Variants in LINGO2 observed in about 807,000 individuals in gnomAD.
LINGO2 encodes leucine rich repeat and Ig domain containing 2, also known as leucine-rich repeat and immunoglobulin-like domain-containing nogo receptor-interacting protein 2.
LINGO2 carries 14 observed loss-of-function variants against 30.6 expected under a neutral mutation model. That is an observed-to-expected ratio of 0.46 (90% confidence interval 0.30 to 0.72). The LOEUF (loss-of-function observed/expected upper bound fraction) is 0.72, where lower values mean the gene tolerates loss of function less well. LINGO2 is among the 30% of genes least tolerant of loss of function. The pLI is 0.07. For missense variants in LINGO2, 729 were observed against 751.7 expected (o/e 0.97, Z 0.35); for synonymous variants, 317 against 288.5 (o/e 1.10, Z -1.00).
intron 5 of LINGO2, among the ~76,000 whole-genome samples, chr9:27,965,093 G>T (rs941677309): frequency 2.0e-5 from 3 of 151,864 alleles, no homozygotes; most frequent in African/African-American, 7.2e-5. Context: ...CAGAAGTCAT[G>T]ATGTGTCTTT....
At chr9:28,462,840 G>A (rs1825139082) in intron 2 of LINGO2, among the ~76,000 whole-genome samples, 1 of 151,860 alleles carries the variant, frequency 6.6e-6, no homozygotes, top group East Asian at 1.9e-4. Context: ...TTTTTCCAAG[G>A]AACTATCTAT....
chr9:28,297,905 T>G (rs1823983940), intron 3 of LINGO2, among the ~76,000 whole-genome samples: 1 of 152,210 alleles, frequency 6.6e-6, no homozygotes. Flanking sequence ...TAACAGACTT[T>G]TGTGTGTGCG....
chr9:29,204,866 C>T, the LINGO2 span, among the ~76,000 whole-genome samples: 7 of 152,234 alleles, frequency 4.6e-5, no homozygotes, highest in African/African-American at 1.7e-4. Context: ...TACATTCTTA[C>T]ATTTCTTCCA....
intron 1 of LINGO2, among the ~76,000 whole-genome samples, chr9:28,582,074 A>G (rs1391143058): frequency 6.6e-6 from 1 of 151,980 alleles, no homozygotes; most frequent in African/African-American, 2.4e-5. Context: ...TATTGAGCTC[A>G]TCAGGCTACC....
intron 4 of LINGO2, among the ~76,000 whole-genome samples, chr9:28,210,564 T>G (rs1475279760): frequency 6.6e-6 from 1 of 151,696 alleles, no homozygotes; most frequent in Non-Finnish European, 1.5e-5. Context: ...AGTTTTTCTT[T>G]AAAAAGTTAC....
At chr9:28,666,481 A>G (rs1828805528) in intron 1 of LINGO2, among the ~76,000 whole-genome samples, 1 of 152,200 alleles carries the variant, frequency 6.6e-6, no homozygotes, top group South Asian at 2.1e-4. Context: ...AAAATATTTG[A>G]CATTAATCTA....
chr9:28,170,103 C>A (rs556706472), intron 4 of LINGO2, among the ~76,000 whole-genome samples: 1 of 152,162 alleles, frequency 6.6e-6, no homozygotes, highest in Non-Finnish European at 1.5e-5. Context: ...GTTTCTATCA[C>A]TTGGAACAGT....
chr9:29,166,153 G>T, the LINGO2 span, among the ~76,000 whole-genome samples: 1 of 152,036 alleles, frequency 6.6e-6, no homozygotes. Context: ...GCAAGTAGAC[G>T]TTTAGAATAA....
the LINGO2 span, among the ~76,000 whole-genome samples, chr9:29,209,122 C>G: frequency 1.3e-5 from 2 of 152,060 alleles, no homozygotes; most frequent in African/African-American, 4.8e-5. Flanking sequence ...TTACATTGGC[C>G]AATTTGTTCA....
At chr9:28,547,817 A>T (rs1447914744) in intron 1 of LINGO2, among the ~76,000 whole-genome samples, 2 of 152,156 alleles carry the variant, frequency 1.3e-5, no homozygotes, top group East Asian at 3.9e-4. Flanking sequence ...TGAATGGTGA[A>T]TACAAAGCTG....
chr9:28,671,073 AC>A (rs1270870816), upstream of LINGO2, among the ~76,000 whole-genome samples: 1 of 152,078 alleles, frequency 6.6e-6, no homozygotes, highest in African/African-American at 2.4e-5. Flanking sequence ...GCATATTGTC[AC>A]TTTCCCATGT....
intron 4 of LINGO2, among the ~76,000 whole-genome samples, chr9:28,069,605 C>T (rs1825413860): frequency 6.6e-6 from 1 of 152,164 alleles, no homozygotes; most frequent in African/African-American, 2.4e-5. Context: ...TCTTATACCA[C>T]TCCAAAATGG....
At position 28,050,347 on chromosome 9, in the gene LINGO2, C is replaced by A. The variant is rs142401949; in HGVS notation, c.-86-37942G>T. ...GAAATAAAATACACTTTGGTTAAAG[C>A]CCCATATCTGGAGTCTTGACAGCAA... On this transcript the variant is annotated intron_variant, in intron 4 of 5. Transcript: ENST00000379992. 2.0e-5 allele frequency among the ~76,000 whole-genome samples: 3 copies of A among 150,652 alleles called. No homozygotes were observed. In the East Asian group the frequency reaches 5.9e-4, roughly 30 times the overall value.
chr9:29,128,454 T>C, the LINGO2 span, among the ~76,000 whole-genome samples: 1 of 152,126 alleles, frequency 6.6e-6, no homozygotes, highest in African/African-American at 2.4e-5. Context: ...TTTGAAATAT[T>C]GTTTGGCCCC....
chr9:28,815,949 T>C, the LINGO2 span, among the ~76,000 whole-genome samples: 5 of 152,174 alleles, frequency 3.3e-5, no homozygotes, highest in East Asian at 9.6e-4. Context: ...AGAAGTTTAA[T>C]TAGCTCATGG....
intron 4 of LINGO2, among the ~76,000 whole-genome samples, chr9:28,252,986 G>GT (rs1211170428): frequency 2.6e-5 from 4 of 151,762 alleles, no homozygotes; most frequent in African/African-American, 9.7e-5. Flanking sequence ...TATAATAAAG[G>GT]TTTTGTAAGC....
At chr9:28,861,230 A>T in the LINGO2 span, among the ~76,000 whole-genome samples, 51 of 113,214 alleles carry the variant, frequency 4.5e-4, no homozygotes, top group African/African-American at 1.7e-3. Flanking sequence ...TTATATAAAT[A>T]TATAATATAT....
the LINGO2 span, among the ~76,000 whole-genome samples, chr9:28,893,337 C>A: frequency 1.3e-5 from 2 of 152,146 alleles, no homozygotes; most frequent in African/African-American, 4.8e-5. Context: ...TAATGGCCAA[C>A]TATTTCCCAT....
chr9:28,221,796 A>G (rs561954060), intron 4 of LINGO2, among the ~76,000 whole-genome samples: 1 of 152,316 alleles, frequency 6.6e-6, no homozygotes, highest in South Asian at 2.1e-4. Context: ...TTCATCTCAC[A>G]TTCACTGATA....
Sources: allele counts gnomAD v4.1 joint callset (sites outside exome capture counted in the v4.1 genomes callset), GRCh38; gene constraint gnomAD v4.1.1; transcripts MANE v1.5; gene names NCBI Gene and HGNC (gene_info 2026-07-23, HGNC 2026-07-21).